The following MLLT3 variants were observed in gnomAD, a reference collection of about 807,000 sequenced individuals.
The protein encoded by MLLT3 is MLLT3 super elongation complex subunit.
In MLLT3, 4 loss-of-function variants were observed where a neutral mutation model predicts 53.2. The ratio of observed to expected loss-of-function variants is 0.08; its 90% CI spans 0.04 to 0.17. The LOEUF (loss-of-function observed/expected upper bound fraction) is 0.17. MLLT3 is among the 10% of genes least tolerant of loss of function. The pLI, the probability that MLLT3 is intolerant of heterozygous loss-of-function variation, is 1.00. For synonymous variants in MLLT3, 283 were observed against 230.6 expected (o/e 1.23, Z -2.06); for missense variants, 569 against 684.0 (o/e 0.83, Z 1.87).
Position 20,360,902 on chromosome 9 carries a change from T to C in MLLT3, c.1332-61A>G, listed in dbSNP as rs924811804. On this transcript the variant is annotated intron_variant, in intron 7 of 10. Transcript: ENST00000380338. ...AAACAGATGATTCTTGAAATACCCA[T>C]AGAAATAGGCGTGGAAAGCACAGAA... The C allele has an allele frequency of 1.1e-5, 15 of 1,418,780 alleles. No individual in the cohort carries two copies. The East Asian group carries it at 1.8e-4, about 17-fold the overall frequency. 87.9% of individuals were successfully genotyped at this position (1,418,780 alleles called of 1,614,324 possible).
rs542099235 is a variant in MLLT3 at position 20,506,212 on chromosome 9, G to A, written c.194-49426C>T. On this transcript the variant is annotated intron_variant, in intron 2 of 10. Transcript: ENST00000380338. ...TGGGATTACAGGTGCACACCACCAC[G>A]CCCAGCTAGTTTGAGACGAGGTTTC... 1.1e-4 allele frequency among the ~76,000 whole-genome samples: 16 copies of A among 152,042 alleles called. No individual in the cohort carries two copies. In the South Asian group the frequency reaches 2.1e-3, roughly 20 times the overall value.
chr9:20,500,003 C>A (rs886319597), intron 2 of MLLT3, among the ~76,000 whole-genome samples: 1 of 152,184 alleles, frequency 6.6e-6, no homozygotes, highest in Admixed American at 6.5e-5. Context: ...TACCACCTAA[C>A]AGAAAATGGA....
At chr9:20,416,040 A>T (rs1330786554) in intron 4 of MLLT3, among the ~76,000 whole-genome samples, 1 of 151,998 alleles carries the variant, frequency 6.6e-6, no homozygotes, top group Non-Finnish European at 1.5e-5. Context: ...AAACATCATA[A>T]TCTGAGATTT....
intron 2 of MLLT3, among the ~76,000 whole-genome samples, chr9:20,596,194 A>G (rs1358497721): frequency 6.6e-6 from 1 of 152,244 alleles, no homozygotes; most frequent in Non-Finnish European, 1.5e-5. Context: ...GAACTTTCTT[A>G]TAGCATGTTT....
chr9:20,484,953 C>G (rs561466905), intron 2 of MLLT3, among the ~76,000 whole-genome samples: 15 of 151,744 alleles, frequency 9.9e-5, no homozygotes, highest in African/African-American at 3.6e-4. Context: ...ACATAAGTCC[C>G]CTATTGCAAA....
intron 7 of MLLT3, among the ~76,000 whole-genome samples, chr9:20,361,701 T>C (rs1328156913): frequency 6.6e-6 from 1 of 152,150 alleles, no homozygotes; most frequent in Non-Finnish European, 1.5e-5. Flanking sequence ...GAAAATGGAA[T>C]TTTCTTTTAT....
In MLLT3 at chr9:20,384,225, T is replaced by C. The variant is rs535501304; in HGVS notation, c.1126-18481A>G. On this transcript the variant is annotated intron_variant, in intron 5 of 10. Coordinates refer to ENST00000380338, the MANE Select transcript of MLLT3 (RefSeq NM_004529.4). ...CTGATTGCTTAATGGCAGAAATATT[T>C]GTCTGTAGTTTTTGCTACTTTATAA... 9.2e-5 allele frequency among the ~76,000 whole-genome samples: 14 copies of C among 152,162 alleles called. No homozygotes were observed. The East Asian group carries it at 2.7e-3, about 29-fold the overall frequency.
At chr9:20,501,604 AG>A (rs2118941373) in intron 2 of MLLT3, among the ~76,000 whole-genome samples, 1 of 150,720 alleles carries the variant, frequency 6.6e-6, no homozygotes, top group Non-Finnish European at 1.5e-5. Flanking sequence ...ACAAAAAATT[AG>A]CCGGGCGCGG....
At chr9:20,498,836 G>A (rs894875256) in intron 2 of MLLT3, among the ~76,000 whole-genome samples, 1 of 152,100 alleles carries the variant, frequency 6.6e-6, no homozygotes, top group African/African-American at 2.4e-5. Flanking sequence ...AGAGCAAATT[G>A]TTTTTATTGT....
Position 20,574,775 on chromosome 9 carries a change from G to A in MLLT3, c.193+45879C>T, listed in dbSNP as rs137991173. On this transcript the variant is annotated intron_variant, in intron 2 of 10. Coordinates refer to ENST00000380338, the MANE Select transcript of MLLT3 (RefSeq NM_004529.4). The stretch of plus-strand genomic sequence containing the variant: ...AAATATGACAACAATAAAGTTTGCT[G>A]CATGGATTGACTCTTCCTTTCACAA... Among the ~76,000 whole-genome samples the A allele has an allele frequency of 1.9e-3, 286 of 152,292 alleles. 1 individual carries two copies. The highest frequency in any genetic ancestry group is 6.5e-3 in the African/African-American group (271 of 41,564).
chr9:20,544,388 A>G (rs1229457054), intron 2 of MLLT3, among the ~76,000 whole-genome samples: 1 of 152,232 alleles, frequency 6.6e-6, no homozygotes, highest in Non-Finnish European at 1.5e-5. Context: ...ATGGGAATAA[A>G]TATTTCCAAA....
At chr9:20,536,147 C>A (rs74945755) in intron 2 of MLLT3, among the ~76,000 whole-genome samples, 2 of 151,554 alleles carry the variant, frequency 1.3e-5, no homozygotes, top group Non-Finnish European at 2.9e-5. Context: ...TTCAGCCATG[C>A]GACTACCATT....
chr9:20,588,937 A>G (rs1820052252), intron 2 of MLLT3, among the ~76,000 whole-genome samples: 3 of 151,270 alleles, frequency 2.0e-5, no homozygotes, highest in Admixed American at 2.0e-4. Context: ...AGGAAACAAC[A>G]GGTGCTGAAG....
chr9:20,534,801 G>C (rs976107695), intron 2 of MLLT3, among the ~76,000 whole-genome samples: 2 of 152,080 alleles, frequency 1.3e-5, no homozygotes, highest in African/African-American at 4.8e-5. Flanking sequence ...CAGGAGAATG[G>C]CATGAACCCA....
intron 2 of MLLT3, among the ~76,000 whole-genome samples, chr9:20,551,933 CACAA>C (rs1328475130): frequency 1.3e-5 from 2 of 152,192 alleles, no homozygotes; most frequent in East Asian, 1.9e-4. Context: ...CCCCTACGTG[CACAA>C]ACAAATACAC....
chr9:20,563,739 A>G (rs945393283), intron 2 of MLLT3, among the ~76,000 whole-genome samples: 4 of 152,140 alleles, frequency 2.6e-5, no homozygotes, highest in Non-Finnish European at 2.9e-5. Context: ...AACAAAGAGT[A>G]GTCAGACCTA....
intron 2 of MLLT3, among the ~76,000 whole-genome samples, chr9:20,557,269 G>C (rs1012341952): frequency 6.6e-6 from 1 of 152,086 alleles, no homozygotes; most frequent in Non-Finnish European, 1.5e-5. Context: ...TAGTGGGGTA[G>C]TGGGGTTGAG....
At chr9:20,470,136 C>A (rs1379010796) in intron 2 of MLLT3, among the ~76,000 whole-genome samples, 1 of 151,944 alleles carries the variant, frequency 6.6e-6, no homozygotes, top group East Asian at 1.9e-4. Context: ...TCTCTTCTAA[C>A]AGGGTATTTA....
intron 10 of MLLT3, among the ~76,000 whole-genome samples, chr9:20,348,798 C>A (rs2118589291): frequency 6.6e-6 from 1 of 152,278 alleles, no homozygotes; most frequent in South Asian, 2.1e-4. Context: ...TTATTAGTAA[C>A]AGAACTTTCA....
Sources: gnomAD v4.1 joint callset for allele counts (sites outside exome capture counted in the v4.1 genomes callset) on GRCh38, gnomAD v4.1.1 for gene constraint, MANE v1.5 for transcripts, NCBI Gene and HGNC (gene_info 2026-07-23, HGNC 2026-07-21) for gene names.